TPRG1: variants seen among roughly 807,000 people sequenced by gnomAD.
TPRG1 encodes tumor protein p63 regulated 1.
In TPRG1, 29 loss-of-function variants were observed where a neutral mutation model predicts 29.3. The observed-to-expected ratio is 0.99, with a 90% CI of 0.74 to 1.35. The LOEUF is 1.35. Among genes scored for constraint, TPRG1 ranks in the 40% most tolerant of loss-of-function variants. TPRG1 has a pLI of 0.00. For missense variants in TPRG1, 327 were observed against 335.0 expected (o/e 0.98, Z 0.19); for synonymous variants, 130 against 116.8 (o/e 1.11, Z -0.73).
At chr3:189,206,566 T>A (rs1413760149) in intron 1 of TPRG1, among the ~76,000 whole-genome samples, 1 of 150,876 alleles carries the variant, frequency 6.6e-6, no homozygotes, top group Non-Finnish European at 1.5e-5. Flanking sequence ...AGTGGCATGA[T>A]CTTGACTCAC....
chr3:189,316,421 A>T (rs149175143), intron 5 of TPRG1, among the ~76,000 whole-genome samples: 1 of 152,188 alleles, frequency 6.6e-6, no homozygotes, highest in Admixed American at 6.5e-5. Flanking sequence ...ATACACAGGG[A>T]GGCTGAAACC....
chr3:189,192,118 A>G (rs780572134), intron 1 of TPRG1, among the ~76,000 whole-genome samples: 3 of 152,236 alleles, frequency 2.0e-5, no homozygotes, highest in Middle Eastern at 3.2e-3. Flanking sequence ...ACAGAAGATC[A>G]TGATGCCTGA....
chr3:189,042,313 T>C (rs1453297499), intron 4 of TPRG1, among the ~76,000 whole-genome samples: 1 of 152,196 alleles, frequency 6.6e-6, no homozygotes, highest in Non-Finnish European at 1.5e-5. Flanking sequence ...TTTTCTAGTA[T>C]CTTACCTTGT....
At chr3:189,133,014 G>C (rs796519300) in intron 3 of TPRG1, among the ~76,000 whole-genome samples, 24 of 152,224 alleles carry the variant, frequency 1.6e-4, no homozygotes, top group African/African-American at 5.8e-4. Flanking sequence ...ACTGAAAACA[G>C]GAAAAACATG....
Position 189,044,250 on chromosome 3 carries a change from T to A in TPRG1, c.-463+20304T>A, listed in dbSNP as rs1195505998. ...GGAGCTGGAGAGGTTAGATGCAACA[T>A]CATGACAAAGAAAAAAAAATGTGGC... On this transcript the variant is annotated intron_variant, in intron 4 of 10. Coordinates refer to the TPRG1 transcript ENST00000433971. Among the ~76,000 whole-genome samples the A allele has an allele frequency of 2.0e-5, 3 of 151,542 alleles. No homozygotes were observed. The East Asian group carries it at 5.8e-4, about 29-fold the overall frequency.
chr3:189,207,814 G>C (rs1734636601), intron 2 of TPRG1, among the ~76,000 whole-genome samples: 1 of 152,216 alleles, frequency 6.6e-6, no homozygotes, highest in South Asian at 2.1e-4. Context: ...GTATTAAGGA[G>C]AAGTGTGTCC....
At chr3:189,161,984 C>T (rs6797589) in intron 5 of TPRG1, among the ~76,000 whole-genome samples, 8,817 of 151,820 alleles carry the variant, frequency 0.058, 669 homozygotes, top group African/African-American at 0.17. Context: ...CTCTAGGAAG[C>T]GGGACCATTC....
chr3:189,211,218 G>A (rs1578843966), intron 2 of TPRG1, among the ~76,000 whole-genome samples: 2 of 151,790 alleles, frequency 1.3e-5, no homozygotes, highest in East Asian at 3.9e-4. Flanking sequence ...TCCAACTATG[G>A]GAATATACTA....
rs867334565 is a variant in TPRG1, at chr3:189,007,001, G to C, written c.-660+2241G>C. On this transcript the variant is annotated intron_variant, in intron 3 of 10. Transcript: ENST00000433971. ...ATAGGCATGGGCAAGGACTTCATGTGCAAAACACCAAAAGCAATGGCAACA... is the reference window on the plus strand; with the variant it reads ...ATAGGCATGGGCAAGGACTTCATGTCCAAAACACCAAAAGCAATGGCAACA... Among the ~76,000 whole-genome samples, 260 of 152,120 alleles carry C rather than the reference G, an allele frequency of 1.7e-3. 2 individuals are homozygous for C. Among genetic ancestry groups the C allele is most frequent in the African/African-American group, 5.8e-3 (241 of 41,482 alleles).
chr3:189,203,309 A>G (rs1733789646), intron 1 of TPRG1, among the ~76,000 whole-genome samples: 1 of 152,120 alleles, frequency 6.6e-6, no homozygotes, highest in South Asian at 2.1e-4. Context: ...AAGGCAAGGT[A>G]GTACTTCCTT....
At chr3:189,150,610 T>A (rs946136364) in intron 4 of TPRG1, 1 of 152,296 alleles carries the variant, frequency 6.6e-6, no homozygotes, top group East Asian at 1.9e-4. Flanking sequence ...GGGACCAGGA[T>A]CACAATACAT....
intron 4 of TPRG1, among the ~76,000 whole-genome samples, chr3:189,030,195 C>T (rs925843706): frequency 2.6e-5 from 4 of 152,066 alleles, no homozygotes; most frequent in South Asian, 2.1e-4. Context: ...TAGATGTGGG[C>T]GACTTTATTT....
At chr3:189,238,667 G>A in intron 3 of TPRG1, 66 bp from the exon 4 acceptor site, 1 of 1,373,364 alleles carries the variant, frequency 7.3e-7, no homozygotes. Context: ...TAGGAGAGAT[G>A]TGAAGGTCAT....
intron 4 of TPRG1, among the ~76,000 whole-genome samples, chr3:189,252,091 C>T (rs1742365198): frequency 6.6e-6 from 1 of 150,830 alleles, no homozygotes; most frequent in Admixed American, 6.6e-5. Context: ...GTGGTGATGA[C>T]TCTTAAGGAG....
intron 4 of TPRG1, among the ~76,000 whole-genome samples, chr3:189,251,412 G>C (rs534892939): frequency 1.3e-5 from 2 of 152,070 alleles, no homozygotes; most frequent in South Asian, 2.1e-4. Flanking sequence ...GGTGTTTCTC[G>C]TTAGGTGGAA....
intron 4 of TPRG1, among the ~76,000 whole-genome samples, chr3:189,056,222 A>G (rs1715687327): frequency 1.3e-5 from 2 of 152,078 alleles, no homozygotes; most frequent in East Asian, 3.9e-4. Context: ...CAGTCTCCCA[A>G]TTAGCTGGGA....
intron 3 of TPRG1, among the ~76,000 whole-genome samples, chr3:189,238,066 T>C (rs1739823965): frequency 6.6e-6 from 1 of 152,232 alleles, no homozygotes; most frequent in South Asian, 2.1e-4. Flanking sequence ...ATGTGTGTCC[T>C]GGAAGGCTCT....
chr3:189,288,426 A>G (rs1455199288), intron 4 of TPRG1, among the ~76,000 whole-genome samples: 1 of 152,236 alleles, frequency 6.6e-6, no homozygotes, highest in Non-Finnish European at 1.5e-5. Context: ...AAGAAAAGCT[A>G]TATATTAATA....
In TPRG1 at chr3:189,310,496, A is replaced by G; in HGVS notation, c.590A>G (p.His197Arg). ...GTTCCTTATGCTACTTTCACTGAGC[A>G]TCCTATGAAATACACCAGTGAGAAA... ...TEVPYATFTE[H>R]PMKYTSEKFL... is the part of the protein sequence containing the mutation. The change falls in exon 5 of 6, where the codon CAT becomes CGT. Residue 197 changes from histidine (H) to arginine (R), a missense_variant. Coordinates refer to ENST00000345063, the MANE Select transcript of TPRG1 (RefSeq NM_198485.4). 6.2e-7 allele frequency: 1 copy of G among 1,612,324 alleles called. No homozygotes were observed. The highest frequency in any genetic ancestry group is 8.5e-7 in the Non-Finnish European group (1 of 1,179,424).
Sources: allele counts gnomAD v4.1 joint callset (sites outside exome capture counted in the v4.1 genomes callset), GRCh38; gene constraint gnomAD v4.1.1; transcripts MANE v1.5; gene names NCBI Gene and HGNC (gene_info 2026-07-23, HGNC 2026-07-21).